The following LRFN5 variants were observed in gnomAD, a reference collection of about 807,000 sequenced individuals.
The protein encoded by LRFN5 is leucine-rich repeat and fibronectin type-III domain-containing protein 5.
Under a neutral mutation model 45.6 loss-of-function variants are expected in LRFN5, and 24 were observed. The observed-to-expected ratio is 0.53, with a 90% CI of 0.38 to 0.74. The LOEUF (loss-of-function observed/expected upper bound fraction) is 0.74, where lower values mean the gene tolerates loss of function less well. Ranked by LOEUF, LRFN5 falls within the 30% of genes least tolerant of loss-of-function variation. The pLI is 0.00. For missense variants in LRFN5, 776 were observed against 861.5 expected (o/e 0.90, Z 1.24); for synonymous variants, 340 against 313.8 (o/e 1.08, Z -0.88).
intron 2 of LRFN5, among the ~76,000 whole-genome samples, chr14:41,769,365 T>G (rs1885998906): frequency 6.6e-6 from 1 of 152,186 alleles, no homozygotes; most frequent in Non-Finnish European, 1.5e-5. Context: ...GAAGACTACT[T>G]TTGTCTGTTT....
chr14:41,659,630 G>T (rs1453306649), intron 1 of LRFN5, among the ~76,000 whole-genome samples: 1 of 152,102 alleles, frequency 6.6e-6, no homozygotes, highest in African/African-American at 2.4e-5. Context: ...TCAACACACT[G>T]TCTCCCACAA....
chr14:41,790,214 G>T (rs868647962), intron 2 of LRFN5, among the ~76,000 whole-genome samples: 40 of 151,974 alleles, frequency 2.6e-4, no homozygotes, highest in African/African-American at 8.2e-4. Context: ...ATTTTAAAAT[G>T]TATTGTTATT....
chr14:41,845,623 GA>G (rs1478440937), intron 2 of LRFN5, among the ~76,000 whole-genome samples: 12 of 152,024 alleles, frequency 7.9e-5, no homozygotes, highest in African/African-American at 2.9e-4. Context: ...ATATAAATGT[GA>G]AGAGAGAACC....
At chr14:41,658,724 T>G (rs1263458761) in intron 1 of LRFN5, among the ~76,000 whole-genome samples, 1 of 152,018 alleles carries the variant, frequency 6.6e-6, no homozygotes, top group African/African-American at 2.4e-5. Flanking sequence ...TCACTGATTA[T>G]TTTTCTTCTT....
At chr14:41,651,019 C>G (rs956759271) in intron 1 of LRFN5, among the ~76,000 whole-genome samples, 2 of 151,964 alleles carry the variant, frequency 1.3e-5, no homozygotes, top group Admixed American at 6.6e-5. Flanking sequence ...AATTCATTTT[C>G]TTCCTTGTGT....
rs549323291 is a variant in LRFN5, at chr14:41,740,194, C to T, written c.-196-26660C>T. ...AGGGAATACTTCAAAATTTATTTTA[C>T]AAGGCAAACTTTACCCTAATATTAA... On this transcript the variant is annotated intron_variant, in intron 1 of 5. Transcript: ENST00000298119. 3.3e-5 allele frequency among the ~76,000 whole-genome samples: 5 copies of T among 152,048 alleles called. No homozygotes were observed. The East Asian group carries it at 9.7e-4, about 29-fold the overall frequency.
At chr14:41,731,436 T>C (rs1028610153) in intron 1 of LRFN5, 1 of 152,180 alleles carries the variant, frequency 6.6e-6, no homozygotes, top group African/African-American at 2.4e-5. Flanking sequence ...TTAATTTTCA[T>C]GTAAAATCTG....
At chr14:41,866,041 A>G (rs1889828491) in intron 2 of LRFN5, among the ~76,000 whole-genome samples, 1 of 152,110 alleles carries the variant, frequency 6.6e-6, no homozygotes, top group Admixed American at 6.6e-5. Context: ...CATTTGATGC[A>G]CAAAAGGTTT....
chr14:41,827,842 C>G (rs1252804972), intron 2 of LRFN5, among the ~76,000 whole-genome samples: 1 of 151,964 alleles, frequency 6.6e-6, no homozygotes, highest in South Asian at 2.1e-4. Context: ...AACTAGTTCT[C>G]ATTTACATCT....
At chr14:41,625,717 TA>T (rs1471155763) in intron 1 of LRFN5, among the ~76,000 whole-genome samples, 1 of 152,162 alleles carries the variant, frequency 6.6e-6, no homozygotes, top group East Asian at 1.9e-4. Context: ...TTATTTGACC[TA>T]TAATAATCTA....
At chr14:41,707,037 A>G (rs1398418631) in intron 1 of LRFN5, among the ~76,000 whole-genome samples, 1 of 152,208 alleles carries the variant, frequency 6.6e-6, no homozygotes, top group Non-Finnish European at 1.5e-5. Flanking sequence ...CCCTCCCTTT[A>G]AAATAAATCT....
chr14:41,716,981 A>G (rs1382095287), intron 1 of LRFN5, among the ~76,000 whole-genome samples: 2 of 152,114 alleles, frequency 1.3e-5, no homozygotes, highest in African/African-American at 2.4e-5. Flanking sequence ...TCTATTTTCT[A>G]ATAGAGTCTT....
intron 1 of LRFN5, among the ~76,000 whole-genome samples, chr14:41,647,445 G>A (rs993153940): frequency 1.3e-5 from 2 of 152,164 alleles, no homozygotes; most frequent in Non-Finnish European, 2.9e-5. Flanking sequence ...ATAGCAGTAC[G>A]TAGTAGGTGG....
intron 2 of LRFN5, among the ~76,000 whole-genome samples, chr14:41,785,604 A>G (rs1886690434): frequency 6.6e-6 from 1 of 152,118 alleles, no homozygotes; most frequent in South Asian, 2.1e-4. Flanking sequence ...TGGTTTTTCA[A>G]TGATTCAAGC....
chr14:41,863,577 A>T (rs570707754), intron 2 of LRFN5, among the ~76,000 whole-genome samples: 1 of 152,320 alleles, frequency 6.6e-6, no homozygotes, highest in Non-Finnish European at 1.5e-5. Context: ...TGCATATTTT[A>T]TAGACGTTTT....
intron 2 of LRFN5, among the ~76,000 whole-genome samples, chr14:41,867,603 C>T (rs1295979761): frequency 1.3e-5 from 2 of 152,070 alleles, no homozygotes; most frequent in African/African-American, 2.4e-5. Flanking sequence ...GGTGTTGATG[C>T]TTCATGTGTA....
At chr14:41,870,287 A>G (rs1312722945) in intron 2 of LRFN5, among the ~76,000 whole-genome samples, 1 of 152,178 alleles carries the variant, frequency 6.6e-6, no homozygotes, top group Non-Finnish European at 1.5e-5. Context: ...AACTTCAGGA[A>G]AAATACCTTC....
intron 1 of LRFN5, among the ~76,000 whole-genome samples, chr14:41,611,299 G>A (rs779345914): frequency 5.3e-5 from 8 of 152,252 alleles, no homozygotes; most frequent in South Asian, 2.1e-4. Context: ...TTCCTAAGGC[G>A]GGGGGAAAAT....
chr14:41,710,602 C>T (rs1041365776), intron 1 of LRFN5, among the ~76,000 whole-genome samples: 7 of 151,272 alleles, frequency 4.6e-5, no homozygotes, highest in African/African-American at 1.2e-4. Flanking sequence ...CAAATTAAAA[C>T]ATATATATTT....
Sources: allele counts gnomAD v4.1 joint callset (sites outside exome capture counted in the v4.1 genomes callset), GRCh38; gene constraint gnomAD v4.1.1; transcripts MANE v1.5; gene names NCBI Gene and HGNC (gene_info 2026-07-23, HGNC 2026-07-21).